The following KCNH1 variants were observed in gnomAD, a reference collection of about 807,000 sequenced individuals.
KCNH1 encodes the protein potassium voltage-gated channel subfamily H member 1, also known as voltage-gated delayed rectifier potassium channel KCNH1.
KCNH1 carries 27 observed loss-of-function variants against 69.2 expected under a neutral mutation model. The observed-to-expected ratio is 0.39, with a 90% CI of 0.29 to 0.54. The LOEUF (loss-of-function observed/expected upper bound fraction) is 0.54, where lower values mean the gene tolerates loss of function less well. KCNH1 is among the 20% of genes least tolerant of loss of function. The probability of loss-of-function intolerance (pLI) is 0.68; values close to 1 mark genes in which losing one functional copy is unlikely to be tolerated. For missense variants in KCNH1, 798 were observed against 1,261.6 expected (o/e 0.63, Z 5.57); for synonymous variants, 456 against 487.7 (o/e 0.93, Z 0.86).
chr1:210,817,664 C>T (rs1684846673), intron 7 of KCNH1, among the ~76,000 whole-genome samples: 1 of 152,140 alleles, frequency 6.6e-6, no homozygotes, highest in Non-Finnish European at 1.5e-5. Flanking sequence ...TATACTGACT[C>T]ATTTAAATCT....
At chr1:211,131,947 T>C (rs1048213260) in intron 1 of KCNH1, among the ~76,000 whole-genome samples, 1 of 152,234 alleles carries the variant, frequency 6.6e-6, no homozygotes, top group Non-Finnish European at 1.5e-5. Flanking sequence ...TCACATTCTA[T>C]GATTACAGAG....
intron 10 of KCNH1, among the ~76,000 whole-genome samples, chr1:210,758,564 C>A (rs560365032): frequency 2.0e-5 from 3 of 152,172 alleles, no homozygotes; most frequent in Non-Finnish European, 4.4e-5. Context: ...ACCTCAAGCA[C>A]AGTCTACCCT....
intron 1 of KCNH1, among the ~76,000 whole-genome samples, chr1:211,118,878 A>C (rs1691634570): frequency 6.6e-6 from 1 of 152,232 alleles, no homozygotes; most frequent in Admixed American, 6.5e-5. Context: ...CGCAGATAAA[A>C]GCTACATTCA....
intron 7 of KCNH1, among the ~76,000 whole-genome samples, chr1:210,829,160 G>A (rs1306339595): frequency 6.6e-6 from 1 of 152,162 alleles, no homozygotes; most frequent in African/African-American, 2.4e-5. Flanking sequence ...GTCTAAGAAG[G>A]AAACTGGAGT....
chr1:210,780,817 G>A (rs1683962495), intron 9 of KCNH1, among the ~76,000 whole-genome samples: 2 of 152,192 alleles, frequency 1.3e-5, no homozygotes. Flanking sequence ...GGAGGCCGAG[G>A]CGGGCAGATC....
intron 10 of KCNH1, among the ~76,000 whole-genome samples, chr1:210,688,376 T>C (rs978113863): frequency 6.6e-6 from 1 of 152,216 alleles, no homozygotes; most frequent in African/African-American, 2.4e-5. Context: ...CCATTGCAGA[T>C]GCATTACCCC....
chr1:210,828,586 G>A (rs909017194), intron 7 of KCNH1, among the ~76,000 whole-genome samples: 1 of 152,054 alleles, frequency 6.6e-6, no homozygotes, highest in Non-Finnish European at 1.5e-5. Context: ...TACTGTACAA[G>A]CCCTGACAGA....
chr1:210,842,095 T>C (rs1206213521), intron 7 of KCNH1, among the ~76,000 whole-genome samples: 2 of 152,172 alleles, frequency 1.3e-5, no homozygotes, highest in African/African-American at 4.8e-5. Flanking sequence ...GAATCTGATG[T>C]ACTTGCAAAT....
At chr1:210,719,740 A>G (rs1427438526) in intron 10 of KCNH1, among the ~76,000 whole-genome samples, 2 of 152,178 alleles carry the variant, frequency 1.3e-5, no homozygotes, top group African/African-American at 2.4e-5. Context: ...TTTTTCTTGC[A>G]TAACTCAATA....
At chr1:210,933,536 A>G (rs1248959570) in intron 6 of KCNH1, among the ~76,000 whole-genome samples, 1 of 149,162 alleles carries the variant, frequency 6.7e-6, no homozygotes, top group Non-Finnish European at 1.5e-5. Flanking sequence ...TAAAAAAAAA[A>G]TCAGAACAAA....
chr1:210,982,426 C>G (rs981612058), intron 6 of KCNH1, among the ~76,000 whole-genome samples: 37 of 152,160 alleles, frequency 2.4e-4, no homozygotes, highest in African/African-American at 8.9e-4. Flanking sequence ...CCCTTCCCCC[C>G]ACTCCACACC....
chr1:210,859,372 T>A, intron 7 of KCNH1: 1 of 1,547,386 alleles, frequency 6.5e-7, no homozygotes, highest in Non-Finnish European at 8.9e-7. Context: ...CCACACAGGA[T>A]TATGATTTCG....
chr1:211,106,047 C>G (rs1691342008), intron 2 of KCNH1, among the ~76,000 whole-genome samples: 1 of 152,170 alleles, frequency 6.6e-6, no homozygotes, highest in Non-Finnish European at 1.5e-5. Flanking sequence ...AGTGACATGG[C>G]TGACTTAGTA....
chr1:211,034,577 T>C (rs533845684), intron 5 of KCNH1, among the ~76,000 whole-genome samples: 2 of 152,320 alleles, frequency 1.3e-5, no homozygotes, highest in Non-Finnish European at 2.9e-5. Flanking sequence ...CAGGAGAAGC[T>C]GGGTAAAAGG....
At chr1:210,806,807 CA>C (rs1426085809) in intron 7 of KCNH1, among the ~76,000 whole-genome samples, 10 of 19,216 alleles carry the variant, frequency 5.2e-4, no homozygotes, top group African/African-American at 2.5e-3. Context: ...CCATCTCTAC[CA>C]AAAAAAAAAA....
intron 10 of KCNH1, among the ~76,000 whole-genome samples, chr1:210,772,601 T>C (rs1424661160): frequency 6.6e-6 from 1 of 152,004 alleles, no homozygotes; most frequent in Non-Finnish European, 1.5e-5. Flanking sequence ...TCATATATAG[T>C]CACTTAGAGT....
intron 5 of KCNH1, among the ~76,000 whole-genome samples, chr1:211,037,923 T>C (rs1309010028): frequency 6.6e-6 from 1 of 151,940 alleles, no homozygotes; most frequent in Non-Finnish European, 1.5e-5. Context: ...GAGATTTGAT[T>C]GATTTATCAG....
intron 7 of KCNH1, among the ~76,000 whole-genome samples, chr1:210,909,965 T>C (rs550537650): frequency 6.6e-6 from 1 of 152,336 alleles, no homozygotes; most frequent in South Asian, 2.1e-4. Flanking sequence ...CTTTTCTAAA[T>C]TGAAGACTAC....
intron 9 of KCNH1, among the ~76,000 whole-genome samples, chr1:210,795,440 C>T (rs183855062): frequency 2.6e-5 from 4 of 152,260 alleles, no homozygotes; most frequent in East Asian, 1.9e-4. Flanking sequence ...AGCCACTGCA[C>T]CCGACCACCC....
Sources: gnomAD v4.1 joint callset for allele counts (sites outside exome capture counted in the v4.1 genomes callset) on GRCh38, gnomAD v4.1.1 for gene constraint, MANE v1.5 for transcripts, NCBI Gene and HGNC (gene_info 2026-07-23, HGNC 2026-07-21) for gene names.